Variants in IKZF2 observed in about 807,000 individuals in gnomAD.
IKZF2 encodes the protein IKAROS family zinc finger 2.
IKZF2 carries 15 observed loss-of-function variants against 49.2 expected under a neutral mutation model. The observed-to-expected ratio is 0.30, with a 90% CI of 0.20 to 0.47. The LOEUF (loss-of-function observed/expected upper bound fraction) is 0.47, where lower values mean the gene tolerates loss of function less well. Among genes scored for constraint, IKZF2 ranks in the 20% least tolerant of loss-of-function variants. The probability of loss-of-function intolerance (pLI) is 1.00; values close to 1 mark genes in which losing one functional copy is unlikely to be tolerated. For missense variants in IKZF2, 567 were observed against 664.6 expected, an observed-to-expected ratio of 0.85 and a Z score of 1.61; for synonymous variants, 227 against 221.4, an observed-to-expected ratio of 1.03 and a Z score of -0.23.
rs1322558505 is a variant in IKZF2 at position 213,007,028 on chromosome 2, A to G, written c.*332T>C. Reference sequence around the variant, plus strand: ...TCATAATTCTGAATATCAGTGGCAAATCAGAATCTCTTAGGTGAATCTTTA... The same window carrying G: ...TCATAATTCTGAATATCAGTGGCAAGTCAGAATCTCTTAGGTGAATCTTTA... On this transcript the variant is annotated 3_prime_UTR_variant, in exon 9 of 9. Coordinates refer to ENST00000434687, the MANE Select transcript of IKZF2 (RefSeq NM_001387220.1). 1.0e-5 allele frequency: 2 copies of G among 193,798 alleles called. No individual in the cohort carries two copies. Among genetic ancestry groups the G allele is most frequent in the Non-Finnish European group, 2.1e-5 (2 of 95,228 alleles). The allele number at this position is 193,798 out of a possible 1,614,324, so 12.0% of individuals were successfully genotyped here.
chr2:213,084,982 G>A (rs761081044), intron 4 of IKZF2, among the ~76,000 whole-genome samples: 9 of 152,118 alleles, frequency 5.9e-5, no homozygotes, highest in South Asian at 2.1e-4. Context: ...AATCTACACC[G>A]CAAATATAAT....
intron 4 of IKZF2, among the ~76,000 whole-genome samples, chr2:213,132,834 G>A: frequency 6.6e-6 from 1 of 152,190 alleles, no homozygotes; most frequent in Non-Finnish European, 1.5e-5. Context: ...GTAGGTTTAT[G>A]TGTGATTCAA....
chr2:213,108,579 T>G (rs377404384), intron 4 of IKZF2, among the ~76,000 whole-genome samples: 4 of 152,182 alleles, frequency 2.6e-5, no homozygotes, highest in East Asian at 1.9e-4. Context: ...CCCTCCTCAA[T>G]AGGAAAACGG....
At chr2:213,021,627 T>C in intron 7 of IKZF2, 2 of 395,662 alleles carry the variant, frequency 5.1e-6, no homozygotes, top group Non-Finnish European at 9.7e-6. Flanking sequence ...TTTCAAATTA[T>C]ATGACTGATC....
chr2:213,122,609 A>T (rs1186954380), intron 4 of IKZF2, among the ~76,000 whole-genome samples: 1 of 152,236 alleles, frequency 6.6e-6, no homozygotes, highest in Non-Finnish European at 1.5e-5. Context: ...CAGACCAGAA[A>T]AGTACTACGT....
chr2:213,040,616 T>C (rs530479983), intron 6 of IKZF2, among the ~76,000 whole-genome samples: 1 of 152,224 alleles, frequency 6.6e-6, no homozygotes, highest in South Asian at 2.1e-4. Flanking sequence ...TTATTTTGAC[T>C]AATAGGGGTC....
chr2:213,050,126 G>T (rs1038376604), intron 5 of IKZF2, among the ~76,000 whole-genome samples: 2 of 152,112 alleles, frequency 1.3e-5, no homozygotes, highest in South Asian at 2.1e-4. Flanking sequence ...TGACTCAGAA[G>T]AATAACAATA....
intron 6 of IKZF2, among the ~76,000 whole-genome samples, chr2:213,031,159 G>A (rs11888685): frequency 0.23 from 35,332 of 152,068 alleles, 4,581 homozygotes; most frequent in Non-Finnish European, 0.28. Flanking sequence ...TTAACAGGAT[G>A]TGCCAGGTGT....
intron 4 of IKZF2, among the ~76,000 whole-genome samples, chr2:213,138,639 A>T (rs968691091): frequency 6.6e-6 from 1 of 152,040 alleles, no homozygotes; most frequent in Admixed American, 6.6e-5. Flanking sequence ...TTCCCCAAAG[A>T]TTCACATCTG....
intron 4 of IKZF2, among the ~76,000 whole-genome samples, chr2:213,094,558 A>G (rs1705746544): frequency 6.6e-6 from 1 of 152,096 alleles, no homozygotes; most frequent in African/African-American, 2.4e-5. Context: ...ACTGAGGCTG[A>G]GATGCGCAGG....
intron 6 of IKZF2, among the ~76,000 whole-genome samples, chr2:213,045,491 A>G (rs1321612661): frequency 6.6e-6 from 1 of 152,214 alleles, no homozygotes; most frequent in Non-Finnish European, 1.5e-5. Flanking sequence ...TCTCTTTGTC[A>G]TAACATAGTC....
intron 7 of IKZF2, among the ~76,000 whole-genome samples, chr2:213,018,741 C>T (rs954262828): frequency 6.6e-6 from 1 of 152,136 alleles, no homozygotes; most frequent in Non-Finnish European, 1.5e-5. Flanking sequence ...ACTGCAGTTA[C>T]ACTCAACATC....
chr2:213,062,156 A>G (rs1701754856), intron 4 of IKZF2, among the ~76,000 whole-genome samples: 1 of 151,660 alleles, frequency 6.6e-6, no homozygotes, highest in Non-Finnish European at 1.5e-5. Context: ...TTTTATTTTC[A>G]CAAACTGCTA....
upstream of IKZF2, chr2:213,151,986 A>G (rs1159251019): frequency 2.0e-5 from 3 of 151,338 alleles, no homozygotes; most frequent in African/African-American, 7.3e-5. Context: ...CCTCGCGCCC[A>G]CCCGCGCGCC....
intron 6 of IKZF2, among the ~76,000 whole-genome samples, chr2:213,031,122 G>A (rs1490839420): frequency 6.6e-6 from 1 of 152,196 alleles, no homozygotes; most frequent in Non-Finnish European, 1.5e-5. Context: ...CACTGCGCCA[G>A]GCTGTGTTAA....
At chr2:213,144,364 A>T (rs1225231311) in intron 4 of IKZF2, among the ~76,000 whole-genome samples, 1 of 151,900 alleles carries the variant, frequency 6.6e-6, no homozygotes, top group African/African-American at 2.4e-5. Context: ...TAAACATTAT[A>T]AAAAAATAGA....
At chr2:213,108,979 A>C (rs2059618009) in intron 4 of IKZF2, among the ~76,000 whole-genome samples, 1 of 152,030 alleles carries the variant, frequency 6.6e-6, no homozygotes, top group Admixed American at 6.6e-5. Flanking sequence ...ATCCTACTAT[A>C]TAAACTTGTA....
chr2:213,078,248 G>GA (rs1703503248), intron 4 of IKZF2, among the ~76,000 whole-genome samples: 1 of 152,146 alleles, frequency 6.6e-6, no homozygotes, highest in Non-Finnish European at 1.5e-5. Flanking sequence ...ATCTTCTGTT[G>GA]AAAATGTTAA....
rs1694858401 is a variant in IKZF2 at position 213,001,007 on chromosome 2, T to C, written c.*6353A>G. ...TTTTCTCTTTGCTTGTTGTGTCCTT[T>C]AACATACTATGACTTTTATGAGTTT... On this transcript the variant is annotated 3_prime_UTR_variant, in exon 9 of 9. Coordinates refer to ENST00000434687, the MANE Select transcript of IKZF2 (RefSeq NM_001387220.1). 6.6e-6 allele frequency: 1 copy of C among 151,860 alleles called. No individual in the cohort carries two copies. Among genetic ancestry groups the C allele is most frequent in the Non-Finnish European group, 1.5e-5 (1 of 67,582 alleles). 9.4% of individuals were successfully genotyped at this position (151,860 alleles called of 1,614,324 possible).
Sources: allele counts gnomAD v4.1 joint callset (sites outside exome capture counted in the v4.1 genomes callset), GRCh38; gene constraint gnomAD v4.1.1; transcripts MANE v1.5; gene names NCBI Gene and HGNC (gene_info 2026-07-23, HGNC 2026-07-21).